USP40: variants seen among roughly 807,000 people sequenced by gnomAD.
USP40 encodes ubiquitin specific peptidase 40, also known as ubiquitin carboxyl-terminal hydrolase 40.
USP40 carries 143 observed loss-of-function variants against 166.2 expected under a neutral mutation model. The ratio of observed to expected loss-of-function variants is 0.86; its 90% CI spans 0.75 to 0.99. The LOEUF (loss-of-function observed/expected upper bound fraction) is 0.99, where lower values mean the gene tolerates loss of function less well. Among genes scored for constraint, USP40 ranks in the 50% least tolerant of loss-of-function variants. The pLI is 0.00. For missense variants in USP40, 1,444 were observed against 1,479.7 expected (o/e 0.98, Z 0.40); for synonymous variants, 498 against 524.0 (o/e 0.95, Z 0.68).
chr2:233,516,042 G>A (rs569393825), intron 18 of USP40, among the ~76,000 whole-genome samples: 1 of 152,196 alleles, frequency 6.6e-6, no homozygotes, highest in Non-Finnish European at 1.5e-5. Context: ...TAGGCTTCAC[G>A]GGCCACATGT....
chr2:233,543,165 A>C (rs996165311), intron 8 of USP40, among the ~76,000 whole-genome samples: 1 of 152,234 alleles, frequency 6.6e-6, no homozygotes, highest in Non-Finnish European at 1.5e-5. Flanking sequence ...ATTTCCATAC[A>C]TGCCATCTTG....
intron 18 of USP40, 182 bp from the exon 19 acceptor site, chr2:233,512,804 C>G: frequency 3.1e-6 from 1 of 323,608 alleles, no homozygotes; most frequent in East Asian, 4.7e-5. Context: ...CAAAAACCCC[C>G]CAACAACCAA....
At chr2:233,556,771 C>A in intron 5 of USP40, 84 bp downstream of exon 5, 1 of 1,274,378 alleles carries the variant, frequency 7.8e-7, no homozygotes, top group Non-Finnish European at 1.0e-6. Context: ...CACTTTAATC[C>A]TTGTGTGGTA....
chr2:233,552,603 C>T (rs1178203648), intron 6 of USP40, among the ~76,000 whole-genome samples: 1 of 152,172 alleles, frequency 6.6e-6, no homozygotes, highest in Non-Finnish European at 1.5e-5. Context: ...CTGTTCCAAA[C>T]TCTGAAGTTT....
intron 10 of USP40, among the ~76,000 whole-genome samples, chr2:233,540,128 A>C (rs1019292221): frequency 9.2e-5 from 14 of 151,518 alleles, no homozygotes; most frequent in African/African-American, 3.4e-4. Context: ...CAACTCAAAA[A>C]AAAAAAAAAA....
intron 13 of USP40, 53 bp downstream of exon 13, chr2:233,527,354 T>C (rs2068103736): frequency 3.2e-6 from 5 of 1,571,634 alleles, no homozygotes; most frequent in Admixed American, 3.5e-5. Context: ...ATGGAGAGTC[T>C]AGCTGGAGAT....
rs371322461 is a variant in USP40, at chr2:233,485,883, C to T, written c.3292G>A (p.Gly1098Arg). The stretch of plus-strand genomic sequence containing the variant: ...CTCTGCCTCAGGGAGCCGGCAGTCC[C>T]ACCCTGGGCCGCGTTCCACACCAGG... ...LDLVWNAAQG[G>R]TAGSLRQRVA... Residue 1098 changes from glycine (G) to arginine (R), a missense_variant, in exon 29 of 32, where the codon GGG (glycine) becomes AGG (arginine). Physicochemically the swap from Gly to Arg is moderately radical, Grantham distance 125. Transcript: ENST00000678225. 35 of 1,605,506 alleles carry T rather than the reference C, an allele frequency of 2.2e-5. No individual in the cohort carries two copies. The highest frequency in any genetic ancestry group is 2.7e-5 in the Non-Finnish European group (32 of 1,176,362).
intron 24 of USP40, 103 bp downstream of exon 24, chr2:233,496,655 G>A (rs1346933671): frequency 1.2e-6 from 1 of 862,342 alleles, no homozygotes; most frequent in East Asian, 2.6e-5. Flanking sequence ...TTCTCTTTAT[G>A]ACTGTCTGAA....
intron 11 of USP40, among the ~76,000 whole-genome samples, chr2:233,530,807 G>A (rs565731954): frequency 2.1e-4 from 32 of 152,124 alleles, no homozygotes; most frequent in African/African-American, 6.5e-4. Context: ...ATATGTAAGC[G>A]CACTCTACAG....
chr2:233,503,135 A>C (rs1199724956), intron 21 of USP40, among the ~76,000 whole-genome samples: 2 of 152,224 alleles, frequency 1.3e-5, no homozygotes, highest in African/African-American at 2.4e-5. Context: ...ACAAAATCAG[A>C]AAAATTCATT....
At chr2:233,478,320 ACT>A (rs2064315899) in intron 31 of USP40, among the ~76,000 whole-genome samples, 1 of 151,810 alleles carries the variant, frequency 6.6e-6, no homozygotes, top group East Asian at 1.9e-4. Flanking sequence ...AGCCCCAGTG[ACT>A]CTGCGTCCTC....
chr2:233,552,498 A>G (rs1255605009), intron 6 of USP40, among the ~76,000 whole-genome samples: 1 of 152,230 alleles, frequency 6.6e-6, no homozygotes, highest in Admixed American at 6.5e-5. Flanking sequence ...TAAAAGGTAT[A>G]TTTAAAAACT....
chr2:233,477,458 T>C lies in USP40; in HGVS notation c.3645A>G (p.Ala1215=). 2 of 1,613,790 alleles carry C rather than the reference T, an allele frequency of 1.2e-6. No individual in the cohort carries two copies. Among genetic ancestry groups the C allele is most frequent in the South Asian group, 1.1e-5 (1 of 91,074 alleles). The change falls in exon 32 of 32, where the codon GCA becomes GCG. Residue 1215 remains alanine, a synonymous_variant. Coordinates refer to ENST00000678225, the MANE Select transcript of USP40 (RefSeq NM_001365479.2). The part of the protein sequence containing the change: ...HEQSSYILSS[A]ETPARPRAPE... ...GGGCTCGGGGCCGGGCAGGCGTCTC[T>C]GCACTGGAGAGGATGTAGCTGCTCT...
Position 233,475,950 on chromosome 2 carries a change from C to T in USP40, c.*1442G>A, listed in dbSNP as rs7724. 26,546 of 152,408 alleles carry T rather than the reference C, an allele frequency of 0.17. 2,474 individuals carry two copies. The highest frequency in any genetic ancestry group is 0.21 in the Non-Finnish European group (13,950 of 68,044). 9.4% of individuals were successfully genotyped at this position (152,408 alleles called of 1,614,324 possible). ...GCAAAGACGCAGTCTACACCCAGTG[C>T]GAGTCTCCTGAGCGGGGTTAGTGTT... On this transcript the variant is annotated 3_prime_UTR_variant, in exon 32 of 32. Coordinates refer to ENST00000678225, the MANE Select transcript of USP40 (RefSeq NM_001365479.2).
At position 233,538,121 on chromosome 2, in the gene USP40, A is replaced by G. The variant is rs7590058; in HGVS notation, c.1170+2541T>C. On this transcript the variant is annotated intron_variant, in intron 10 of 31. Coordinates refer to ENST00000678225, the MANE Select transcript of USP40 (RefSeq NM_001365479.2). ...TATCATGTTAATTTATATATAGTGTAATCGCTAGATGAAATTAAATAGATT... is the reference window on the plus strand; with the variant it reads ...TATCATGTTAATTTATATATAGTGTGATCGCTAGATGAAATTAAATAGATT... Among the ~76,000 whole-genome samples, 1,090 of 152,266 alleles carry G rather than the reference A, an allele frequency of 7.2e-3. 14 individuals carry two copies. Among genetic ancestry groups the G allele is most frequent in the African/African-American group, 0.025 (1,041 of 41,572 alleles).
intron 7 of USP40, among the ~76,000 whole-genome samples, chr2:233,550,206 T>G (rs1177990084): frequency 6.6e-6 from 1 of 152,086 alleles, no homozygotes; most frequent in Non-Finnish European, 1.5e-5. Flanking sequence ...TTTTAAAATG[T>G]CTAGTACAGG....
At chr2:233,529,282 C>G in intron 12 of USP40, 149 bp downstream of exon 12, 1 of 588,614 alleles carries the variant, frequency 1.7e-6, no homozygotes, top group South Asian at 2.3e-5. Context: ...GTTACCCTCA[C>G]TATAAAAATT....
In USP40 at chr2:233,519,606, A is replaced by G; in HGVS notation, c.2383+8T>C. 1 of 1,432,530 alleles carries G rather than the reference A, an allele frequency of 7.0e-7. No individual in the cohort carries two copies. The highest frequency in any genetic ancestry group is 9.6e-7 in the Non-Finnish European group (1 of 1,044,590). 88.7% of individuals were successfully genotyped at this position (1,432,530 alleles called of 1,614,324 possible). Reference sequence around the variant, plus strand: ...ACTAAGAACCGAAAAGAAAATGTAAATGATTACCTAGTTCCTTCATTAATT... The same window carrying G: ...ACTAAGAACCGAAAAGAAAATGTAAGTGATTACCTAGTTCCTTCATTAATT... On this transcript the variant is annotated splice_region_variant and intron_variant, in intron 18 of 31. Transcript: ENST00000678225.
chr2:233,488,900 C>A (rs1349680964), intron 27 of USP40, among the ~76,000 whole-genome samples: 1 of 151,710 alleles, frequency 6.6e-6, no homozygotes, highest in Admixed American at 6.6e-5. Flanking sequence ...GAGCCAGACC[C>A]TGTCTATTAA....
Sources: allele counts gnomAD v4.1 joint callset (sites outside exome capture counted in the v4.1 genomes callset), GRCh38; gene constraint gnomAD v4.1.1; transcripts MANE v1.5; gene names NCBI Gene and HGNC (gene_info 2026-07-23, HGNC 2026-07-21).